Variants in DNER observed in about 807,000 individuals in gnomAD.
DNER encodes delta/notch like EGF repeat containing.
DNER carries 33 observed loss-of-function variants against 78.2 expected under a neutral mutation model. The ratio of observed to expected loss-of-function variants is 0.42; its 90% CI spans 0.32 to 0.56. The LOEUF is 0.56. Among genes scored for constraint, DNER ranks in the 20% least tolerant of loss-of-function variants. The pLI is 0.11. For missense variants in DNER, 918 were observed against 975.3 expected (o/e 0.94, Z 0.78); for synonymous variants, 417 against 384.8 (o/e 1.08, Z -0.98).
At chr2:229,514,321 A>G (rs1173496250) in intron 5 of DNER, among the ~76,000 whole-genome samples, 1 of 152,188 alleles carries the variant, frequency 6.6e-6, no homozygotes, top group Non-Finnish European at 1.5e-5. Context: ...GATGATAATA[A>G]TAAGTCCATA....
chr2:229,519,153 C>T (rs564282542), intron 5 of DNER, among the ~76,000 whole-genome samples: 1 of 152,038 alleles, frequency 6.6e-6, no homozygotes, highest in East Asian at 1.9e-4. Context: ...AATATAGAGC[C>T]AAATATCATG....
At chr2:229,572,894 G>A (rs1697240351) in intron 4 of DNER, among the ~76,000 whole-genome samples, 3 of 152,186 alleles carry the variant, frequency 2.0e-5, no homozygotes, top group Admixed American at 1.3e-4. Flanking sequence ...ATTTATCTGA[G>A]TTACATAATG....
In DNER at chr2:229,714,185, C is replaced by CAGCTGT; in HGVS notation, c.233_238dup (p.Tyr78_Ser79dup). 2 of 1,357,070 alleles carry CAGCTGT rather than the reference C, an allele frequency of 1.5e-6. No individual in the cohort carries two copies. Among genetic ancestry groups the CAGCTGT allele is most frequent in the Non-Finnish European group, 1.9e-6 (2 of 1,059,944 alleles). 84.1% of individuals were successfully genotyped at this position (1,357,070 alleles called of 1,614,324 possible). The stretch of plus-strand genomic sequence containing the variant: ...GCCGGAGATCCCGGCGGGGCAGGTG[C>CAGCTGT]AGCTGTAGCCAGGCTCGCCGGCGGG... On this transcript the variant is annotated inframe_insertion, in exon 1 of 13. Transcript: ENST00000341772.
At chr2:229,655,419 T>C (rs1698896372) in intron 1 of DNER, among the ~76,000 whole-genome samples, 1 of 152,112 alleles carries the variant, frequency 6.6e-6, no homozygotes, top group Non-Finnish European at 1.5e-5. Context: ...GAGGATGCGA[T>C]TTAAATACCA....
At chr2:229,515,987 T>C (rs1695963305) in intron 5 of DNER, among the ~76,000 whole-genome samples, 1 of 152,208 alleles carries the variant, frequency 6.6e-6, no homozygotes, top group African/African-American at 2.4e-5. Flanking sequence ...ACAGAAGCCA[T>C]CCATTTTGTT....
chr2:229,601,522 C>T (rs1272562073), intron 1 of DNER, among the ~76,000 whole-genome samples: 1 of 152,154 alleles, frequency 6.6e-6, no homozygotes, highest in African/African-American at 2.4e-5. Context: ...AACTCTACAT[C>T]AATTCAAAAA....
At chr2:229,687,745 C>A (rs1176593736) in intron 1 of DNER, among the ~76,000 whole-genome samples, 1 of 152,158 alleles carries the variant, frequency 6.6e-6, no homozygotes, top group Non-Finnish European at 1.5e-5. Flanking sequence ...TGAAATTTGA[C>A]ACTACTTATC....
intron 1 of DNER, among the ~76,000 whole-genome samples, chr2:229,701,244 C>A (rs897226094): frequency 6.6e-6 from 1 of 152,196 alleles, no homozygotes; most frequent in Non-Finnish European, 1.5e-5. Context: ...GAGCTGATTT[C>A]ATATTTTAAA....
chr2:229,597,890 G>C (rs1165561752), intron 1 of DNER, among the ~76,000 whole-genome samples: 1 of 152,148 alleles, frequency 6.6e-6, no homozygotes, highest in East Asian at 1.9e-4. Context: ...GAGCAGTTCT[G>C]GGGGAATGGA....
intron 10 of DNER, among the ~76,000 whole-genome samples, chr2:229,391,561 G>A (rs1418291913): frequency 1.3e-5 from 2 of 151,174 alleles, no homozygotes; most frequent in Non-Finnish European, 2.9e-5. Context: ...TTTTTTTTGA[G>A]ACAAAAATCT....
At chr2:229,536,663 G>C (rs905616552) in intron 5 of DNER, among the ~76,000 whole-genome samples, 1 of 152,070 alleles carries the variant, frequency 6.6e-6, no homozygotes, top group African/African-American at 2.4e-5. Flanking sequence ...TCTGCTCTTG[G>C]GCATAAAAAT....
intron 1 of DNER, among the ~76,000 whole-genome samples, chr2:229,627,313 T>C (rs1252511458): frequency 5.3e-5 from 8 of 152,176 alleles, no homozygotes. Flanking sequence ...TAAATATAAC[T>C]AGTTACAAGA....
chr2:229,372,225 G>A (rs1207425631), intron 11 of DNER, among the ~76,000 whole-genome samples: 1 of 152,210 alleles, frequency 6.6e-6, no homozygotes, highest in East Asian at 1.9e-4. Context: ...AGGGATGCAG[G>A]GATCAGGCAA....
chr2:229,460,948 T>C lies in DNER; in HGVS notation c.1262-13408A>G, dbSNP rs1396821527. 3.3e-5 allele frequency among the ~76,000 whole-genome samples: 5 copies of C among 152,154 alleles called. No homozygotes were observed. The South Asian group carries it at 8.3e-4, about 25-fold the overall frequency. On this transcript the variant is annotated intron_variant, in intron 7 of 12. Coordinates refer to ENST00000341772, the MANE Select transcript of DNER (RefSeq NM_139072.4). ...ACTATGTGAGTCCGATTCCCCCTTGTAGAAATATAGAAGTCTGCAAGTCAA... is the reference window on the plus strand; with the variant it reads ...ACTATGTGAGTCCGATTCCCCCTTGCAGAAATATAGAAGTCTGCAAGTCAA...
intron 6 of DNER, among the ~76,000 whole-genome samples, chr2:229,483,444 A>C (rs1458264361): frequency 6.6e-6 from 1 of 152,222 alleles, no homozygotes; most frequent in Non-Finnish European, 1.5e-5. Context: ...TGATTGAGAA[A>C]AAATGTGATG....
At position 229,535,524 on chromosome 2, in the gene DNER, G is replaced by A. The variant is rs535622484; in HGVS notation, c.993+11423C>T. On this transcript the variant is annotated intron_variant, in intron 5 of 12. Coordinates refer to ENST00000341772, the MANE Select transcript of DNER (RefSeq NM_139072.4). ...TAGTTGCCAATGCCCAGAGTCCACTGGTGCTTCGAAAAAGTGCTACTATAC... is the reference window on the plus strand; with the variant it reads ...TAGTTGCCAATGCCCAGAGTCCACTAGTGCTTCGAAAAAGTGCTACTATAC... Among the ~76,000 whole-genome samples the A allele has an allele frequency of 5.9e-5, 9 of 152,222 alleles. No individual in the cohort carries two copies. The South Asian group carries it at 1.9e-3, about 32-fold the overall frequency.
chr2:229,363,653 G>A (rs2106324932), intron 12 of DNER, among the ~76,000 whole-genome samples: 1 of 152,328 alleles, frequency 6.6e-6, no homozygotes, highest in Non-Finnish European at 1.5e-5. Flanking sequence ...ATATAAATCA[G>A]CACCAAATAA....
At chr2:229,584,376 G>A (rs1439292530) in intron 4 of DNER, among the ~76,000 whole-genome samples, 1 of 152,162 alleles carries the variant, frequency 6.6e-6, no homozygotes, top group Admixed American at 6.5e-5. Flanking sequence ...GGACTGGGAT[G>A]GGTAGATTCT....
At chr2:229,687,806 TA>T (rs1699511410) in intron 1 of DNER, among the ~76,000 whole-genome samples, 1 of 152,206 alleles carries the variant, frequency 6.6e-6, no homozygotes, top group Admixed American at 6.5e-5. Context: ...ATAAGGCTAA[TA>T]GAGTAATTTC....
Sources: allele counts gnomAD v4.1 joint callset (sites outside exome capture counted in the v4.1 genomes callset), GRCh38; gene constraint gnomAD v4.1.1; transcripts MANE v1.5; gene names NCBI Gene and HGNC (gene_info 2026-07-23, HGNC 2026-07-21).